PTGIR: variants seen among roughly 807,000 people sequenced by gnomAD.
The protein encoded by PTGIR is prostaglandin I2 receptor.
A neutral mutation model predicts 17.6 loss-of-function variants in PTGIR; 16 were observed. The ratio of observed to expected loss-of-function variants is 0.91; its 90% CI spans 0.61 to 1.38. PTGIR has a LOEUF of 1.38. Among genes scored for constraint, PTGIR ranks in the 40% most tolerant of loss-of-function variants. The pLI is 0.00. For missense variants in PTGIR, 532 were observed against 548.6 expected (o/e 0.97, Z 0.30); for synonymous variants, 274 against 255.4 (o/e 1.07, Z -0.69).
chr19:46,614,339 G>A, the PTGIR span: 2 of 970,950 alleles, frequency 2.1e-6, no homozygotes, highest in Non-Finnish European at 2.4e-6. Flanking sequence ...CTGAAGAGCT[G>A]CAACTCCCAG....
chr19:46,618,059 G>C (rs373228615), downstream of PTGIR, among the ~76,000 whole-genome samples: 98 of 142,482 alleles, frequency 6.9e-4, 1 homozygote, highest in South Asian at 0.022. Context: ...CTGTCGCCCA[G>C]GCTGGAGCGC....
Position 46,623,957 on chromosome 19 carries a change from GCGGGGCCGC to G in PTGIR, c.260_268del (p.Gly87_Pro89del), listed in dbSNP as rs1468090572. The G allele has an allele frequency of 3.8e-6, 6 of 1,585,872 alleles. No homozygotes were observed. Among genetic ancestry groups the G allele is most frequent in the Non-Finnish European group, 2.6e-6 (3 of 1,165,416 alleles). On this transcript the variant is annotated inframe_deletion, in exon 2 of 3. Transcript: ENST00000291294. ...GGCGAAGGCGAAGGCATCGCACAGG[GCGGGGCCGC>G]CTCGGGCCAGGCCCAGCAGGGAGCT...
chr19:46,622,237 G>T (rs554382487), intron 2 of PTGIR: 1 of 985,268 alleles, frequency 1.0e-6, no homozygotes, highest in Non-Finnish European at 1.2e-6. Context: ...CGGGGTCCCC[G>T]CAGGAAACCG....
At position 46,624,038 on chromosome 19, in the gene PTGIR, C is replaced by CAGGAAG; in HGVS notation, c.187_188insCTTCCT (p.Gly63delinsAlaSerCys). ...CACGGCCGGGCTCAGGAAGCTGGTG[C>CAGGAAG]CCAGCAGGTCGGTGGCCGCCAGTCC... On this transcript the variant is annotated protein_altering_variant, in exon 2 of 3. Transcript: ENST00000291294. 1 of 1,538,446 alleles carries CAGGAAG rather than the reference C, an allele frequency of 6.5e-7. No homozygotes were observed. Among genetic ancestry groups the CAGGAAG allele is most frequent in the Non-Finnish European group, 8.7e-7 (1 of 1,143,474 alleles).
downstream of PTGIR, among the ~76,000 whole-genome samples, chr19:46,619,427 G>A (rs932979315): frequency 2.0e-5 from 3 of 150,842 alleles, no homozygotes; most frequent in African/African-American, 7.3e-5. Flanking sequence ...CCCGGGAGGC[G>A]GAGTTTGCAG....
downstream of PTGIR, among the ~76,000 whole-genome samples, chr19:46,619,717 C>A (rs557413818): frequency 1.8e-4 from 27 of 152,166 alleles, no homozygotes; most frequent in African/African-American, 6.5e-4. Context: ...TGGGAGGAAG[C>A]GCTGCCTACC....
At chr19:46,622,315 C>T in intron 2 of PTGIR, 4 of 985,334 alleles carry the variant, frequency 4.1e-6, no homozygotes, top group Non-Finnish European at 4.8e-6. Context: ...AGATCAGGCT[C>T]TACAATGGAA....
downstream of PTGIR, among the ~76,000 whole-genome samples, chr19:46,615,743 T>A (rs1240400519): frequency 1.3e-5 from 2 of 151,790 alleles, no homozygotes; most frequent in African/African-American, 4.8e-5. Flanking sequence ...CCTGACCTCA[T>A]GATCCACCCG....
chr19:46,624,314 T>C, intron 1 of PTGIR, 77 bp from the exon 2 acceptor site: 1 of 1,352,888 alleles, frequency 7.4e-7, no homozygotes, highest in Non-Finnish European at 9.6e-7. Context: ...ATGTCCCTGC[T>C]GGCCAGTCCT....
Position 46,620,740 on chromosome 19 carries a change from G to T in PTGIR, c.*540C>A. 1 of 986,016 alleles carries T rather than the reference G, an allele frequency of 1.0e-6. No individual in the cohort carries two copies. The highest frequency in any genetic ancestry group is 1.2e-6 in the Non-Finnish European group (1 of 830,032). 61.1% of individuals were successfully genotyped at this position (986,016 alleles called of 1,614,324 possible). On this transcript the variant is annotated 3_prime_UTR_variant, in exon 3 of 3. Transcript: ENST00000291294. Reference sequence around the variant, plus strand: ...TCCCCTTCCTCCCGTTGCCCCTTTGGGATGCCAGGGCTCCCAAGCCTGGTG... The same window carrying T: ...TCCCCTTCCTCCCGTTGCCCCTTTGTGATGCCAGGGCTCCCAAGCCTGGTG...
intron 1 of PTGIR, chr19:46,624,456 T>C: frequency 2.3e-6 from 1 of 438,738 alleles, no homozygotes; most frequent in Non-Finnish European, 4.0e-6. Context: ...CTCTCTTTCT[T>C]TTCTTTCGTT....
chr19:46,621,004 A>G lies in PTGIR; in HGVS notation c.*276T>C. ...CCGCCTTCTAAATATTTAGACAATG[A>G]GATGGATGGGGAATCCAGGGCCAGA... On this transcript the variant is annotated 3_prime_UTR_variant, in exon 3 of 3. Transcript: ENST00000291294. The surrounding 1 kb of genome is among the most constrained non-coding windows in gnomAD (Gnocchi z 4.8). 8.7e-7 allele frequency: 1 copy of G among 1,147,102 alleles called. No homozygotes were observed. 71.1% of individuals were successfully genotyped at this position (1,147,102 alleles called of 1,614,324 possible). A position where few individuals can be genotyped will look rare whatever the true frequency, so the allele number is the denominator to read the frequency against.
chr19:46,615,606 C>T (rs974435287), downstream of PTGIR, among the ~76,000 whole-genome samples: 3 of 150,666 alleles, frequency 2.0e-5, no homozygotes, highest in East Asian at 2.0e-4. Context: ...CCCCGGTTCA[C>T]GCCATTCTCC....
chr19:46,617,167 G>T (rs1198880853), downstream of PTGIR, among the ~76,000 whole-genome samples: 1 of 134,470 alleles, frequency 7.4e-6, no homozygotes, highest in Non-Finnish European at 1.6e-5. Context: ...AAGGCCTGCA[G>T]GGGGGTGGGA....
At chr19:46,611,591 G>A in the PTGIR span, among the ~76,000 whole-genome samples, 4 of 152,206 alleles carry the variant, frequency 2.6e-5, no homozygotes, top group South Asian at 6.2e-4. Context: ...CAACTTTCTC[G>A]TGGCAAGTGG....
rs2052722718 is a variant in PTGIR, at chr19:46,621,244, A to C, written c.*36T>G. ...CTGATTTTCTGGCTCCTGTCGCCCG[A>C]AGACAGGGCAGAGATCACAGGGTCA... On this transcript the variant is annotated 3_prime_UTR_variant, in exon 3 of 3. Coordinates refer to ENST00000291294, the MANE Select transcript of PTGIR (RefSeq NM_000960.4). The surrounding 1 kb of genome is among the most constrained non-coding windows in gnomAD (Gnocchi z 4.8). The C allele has an allele frequency of 2.0e-6, 3 of 1,472,360 alleles. No homozygotes were observed. In the Admixed American group the frequency reaches 7.0e-5, roughly 35 times the overall value. 91.2% of individuals were successfully genotyped at this position (1,472,360 alleles called of 1,614,324 possible).
intron 2 of PTGIR, 23 bp downstream of exon 2, chr19:46,623,435 T>A: frequency 5.3e-6 from 8 of 1,508,534 alleles, no homozygotes; most frequent in Non-Finnish European, 5.3e-6. Flanking sequence ...TCCCCACTCC[T>A]CCCAGCTCCG....
chr19:46,613,704 C>G, the PTGIR span, among the ~76,000 whole-genome samples: 1 of 152,162 alleles, frequency 6.6e-6, no homozygotes, highest in Non-Finnish European at 1.5e-5. Flanking sequence ...ACGCAGCACC[C>G]GCTCAAGGTG....
At position 46,624,014 on chromosome 19, in the gene PTGIR, A is replaced by C. The variant is rs1460304596; in HGVS notation, c.212T>G (p.Val71Gly). The change falls in exon 2 of 3, where the codon GTG becomes GGG. Residue 71 changes from valine (V) to glycine (G), a missense_variant. By Grantham distance (109) the Val-to-Gly change is moderately radical (BLOSUM62 -3). Coordinates refer to ENST00000291294, the MANE Select transcript of PTGIR (RefSeq NM_000960.4). ...LLGTSFLSPA[V>G]FVAYARNSSL... ...GCTGTTGCGCGCATAGGCCACGAAC[A>C]CGGCCGGGCTCAGGAAGCTGGTGCC... 1 of 1,544,438 alleles carries C rather than the reference A, an allele frequency of 6.5e-7. No individual in the cohort carries two copies. The highest frequency in any genetic ancestry group is 2.0e-5 in the Admixed American group (1 of 50,710).
Sources: allele counts gnomAD v4.1 joint callset (sites outside exome capture counted in the v4.1 genomes callset), GRCh38; gene constraint gnomAD v4.1.1; non-coding constraint Gnocchi (gnomAD v3.1); transcripts MANE v1.5; gene names NCBI Gene and HGNC (gene_info 2026-07-23, HGNC 2026-07-21).